Variants in PRELID2 observed in about 807,000 individuals in gnomAD.
PRELID2 encodes PRELI domain containing 2.
In PRELID2, 25 loss-of-function variants were observed where a neutral mutation model predicts 28.4. The observed-to-expected ratio is 0.88, with a 90% CI of 0.64 to 1.23. The LOEUF is 1.23. Among genes scored for constraint, PRELID2 ranks in the 50% most tolerant of loss-of-function variants. The pLI is 0.00. For missense variants in PRELID2, 201 were observed against 214.4 expected, an observed-to-expected ratio of 0.94 and a Z score of 0.39; for synonymous variants, 76 against 71.6, an observed-to-expected ratio of 1.06 and a Z score of -0.31.
At chr5:145,363,651 C>T in the PRELID2 span, among the ~76,000 whole-genome samples, 1 of 152,104 alleles carries the variant, frequency 6.6e-6, no homozygotes, top group African/African-American at 2.4e-5. Flanking sequence ...GAAATTGTAT[C>T]TTTATACCTA....
rs182548206 is a variant in PRELID2 at position 145,671,111 on chromosome 5, C to T, written n.70+93820G>A. Among the ~76,000 whole-genome samples, 34 of 152,196 alleles carry T rather than the reference C, an allele frequency of 2.2e-4. No homozygotes were observed. The East Asian group carries it at 6.6e-3, about 29-fold the overall frequency. On this transcript the variant is annotated intron_variant and non_coding_transcript_variant, in intron 1 of 2. Transcript: ENST00000510259. ...GAGCTATTGTTAACAAACCGAATTTCCTATAATGACAAAAATGTTCCTCTC... is the reference window on the plus strand; with the variant it reads ...GAGCTATTGTTAACAAACCGAATTTTCTATAATGACAAAAATGTTCCTCTC...
At chr5:145,418,378 G>C in the PRELID2 span, among the ~76,000 whole-genome samples, 2 of 151,656 alleles carry the variant, frequency 1.3e-5, no homozygotes, top group Non-Finnish European at 2.9e-5. Flanking sequence ...CACAGAATTA[G>C]AAAAAAAACT....
the PRELID2 span, among the ~76,000 whole-genome samples, chr5:145,445,645 T>C: frequency 6.6e-6 from 1 of 151,548 alleles, no homozygotes; most frequent in Non-Finnish European, 1.5e-5. Flanking sequence ...AATATCCAGG[T>C]TATATAAGGT....
At chr5:145,239,911 T>C in the PRELID2 span, among the ~76,000 whole-genome samples, 1 of 152,044 alleles carries the variant, frequency 6.6e-6, no homozygotes, top group African/African-American at 2.4e-5. Flanking sequence ...ATGTGATTGA[T>C]AGCAGCCACA....
At chr5:145,748,952 T>C (rs1305643720) in intron 1 of PRELID2, among the ~76,000 whole-genome samples, 1 of 152,132 alleles carries the variant, frequency 6.6e-6, no homozygotes, top group Non-Finnish European at 1.5e-5. Context: ...ACCCCTTCCT[T>C]ACACCTTATA....
intron 1 of PRELID2, among the ~76,000 whole-genome samples, chr5:145,712,725 C>G (rs1755727918): frequency 6.6e-6 from 1 of 151,766 alleles, no homozygotes; most frequent in African/African-American, 2.4e-5. Flanking sequence ...ATATGGCTCA[C>G]ATGTTGAAAA....
chr5:145,388,615 C>A, the PRELID2 span, among the ~76,000 whole-genome samples: 4 of 152,164 alleles, frequency 2.6e-5, no homozygotes, highest in African/African-American at 9.6e-5. Context: ...AACATCATTC[C>A]TTTTTCTTTA....
At chr5:145,770,824 T>A (rs924126929) in intron 5 of PRELID2, among the ~76,000 whole-genome samples, 5 of 152,212 alleles carry the variant, frequency 3.3e-5, no homozygotes, top group African/African-American at 9.6e-5. Flanking sequence ...ACCTGTGCAA[T>A]GTGTTTGCGT....
At chr5:145,290,818 A>ATT in the PRELID2 span, among the ~76,000 whole-genome samples, 1,745 of 147,308 alleles carry the variant, frequency 0.012, 37 homozygotes, top group African/African-American at 0.042. Flanking sequence ...GTGTTTTGTA[A>ATT]TTTTTTTTTT....
At chr5:145,449,036 C>A in the PRELID2 span, among the ~76,000 whole-genome samples, 3 of 152,208 alleles carry the variant, frequency 2.0e-5, no homozygotes, top group East Asian at 5.8e-4. Flanking sequence ...CAAAGAACAC[C>A]ATCTGCTGCC....
At chr5:145,366,157 T>C in the PRELID2 span, among the ~76,000 whole-genome samples, 1 of 151,888 alleles carries the variant, frequency 6.6e-6, no homozygotes, top group Non-Finnish European at 1.5e-5. Flanking sequence ...AGAGGACACA[T>C]GTTTCACAAT....
intron 1 of PRELID2, among the ~76,000 whole-genome samples, chr5:145,659,682 G>A (rs923668210): frequency 6.6e-6 from 1 of 152,194 alleles, no homozygotes; most frequent in African/African-American, 2.4e-5. Flanking sequence ...AAGCTTTGTG[G>A]AGGGAGATAT....
At chr5:145,577,093 G>A (rs995125815) in intron 1 of PRELID2, among the ~76,000 whole-genome samples, 1 of 152,078 alleles carries the variant, frequency 6.6e-6, no homozygotes, top group Non-Finnish European at 1.5e-5. Context: ...TCTCTAGACA[G>A]GTTTCCTGTT....
intron 1 of PRELID2, among the ~76,000 whole-genome samples, chr5:145,476,559 C>T (rs1057060147): frequency 2.0e-5 from 3 of 152,070 alleles, no homozygotes; most frequent in South Asian, 2.1e-4. Flanking sequence ...GCAGGAGAAT[C>T]GCCTGAACCC....
chr5:145,692,141 C>T (rs1755163305), intron 1 of PRELID2, among the ~76,000 whole-genome samples: 1 of 152,184 alleles, frequency 6.6e-6, no homozygotes, highest in Non-Finnish European at 1.5e-5. Flanking sequence ...CATATTTTCA[C>T]AATGCCACAC....
the PRELID2 span, among the ~76,000 whole-genome samples, chr5:145,334,936 G>A: frequency 6.6e-6 from 1 of 151,976 alleles, no homozygotes; most frequent in African/African-American, 2.4e-5. Context: ...TGAAAACTTG[G>A]TTATAATATA....
At chr5:145,443,219 A>C in the PRELID2 span, among the ~76,000 whole-genome samples, 5 of 152,066 alleles carry the variant, frequency 3.3e-5, no homozygotes, top group African/African-American at 1.2e-4. Flanking sequence ...GCAATTTTTC[A>C]TTTACAATAA....
chr5:145,398,382 G>A, the PRELID2 span, among the ~76,000 whole-genome samples: 8 of 152,026 alleles, frequency 5.3e-5, no homozygotes, highest in African/African-American at 1.2e-4. Flanking sequence ...TCAATTACCA[G>A]TTGATTGTAG....
chr5:145,454,164 G>A, the PRELID2 span, among the ~76,000 whole-genome samples: 3 of 152,072 alleles, frequency 2.0e-5, no homozygotes, highest in African/African-American at 4.8e-5. Flanking sequence ...ATTCTAACTG[G>A]TGTGAGATGG....
Sources: gnomAD v4.1 joint callset for allele counts (sites outside exome capture counted in the v4.1 genomes callset) on GRCh38, gnomAD v4.1.1 for gene constraint, MANE v1.5 for transcripts, NCBI Gene and HGNC (gene_info 2026-07-23, HGNC 2026-07-21) for gene names.